The following ARHGAP32 variants were observed in gnomAD, a reference collection of about 807,000 sequenced individuals.
ARHGAP32 encodes the protein Rho GTPase activating protein 32.
In ARHGAP32, 51 loss-of-function variants were observed where a neutral mutation model predicts 186.5. The ratio of observed to expected loss-of-function variants is 0.27; its 90% CI spans 0.22 to 0.35. The LOEUF is 0.35. Among genes scored for constraint, ARHGAP32 ranks in the 10% least tolerant of loss-of-function variants. The probability of loss-of-function intolerance (pLI) is 1.00; values close to 1 mark genes in which losing one functional copy is unlikely to be tolerated. For missense variants in ARHGAP32, 2,186 were observed against 2,623.5 expected, an observed-to-expected ratio of 0.83 and a Z score of 3.64; for synonymous variants, 950 against 964.3, an observed-to-expected ratio of 0.99 and a Z score of 0.27.
rs201110927 is a variant in ARHGAP32 at position 128,974,707 on chromosome 11, A to G, written c.2490T>C (p.Ala830=). 2 of 1,614,204 alleles carry G rather than the reference A, an allele frequency of 1.2e-6. No individual in the cohort carries two copies. Among genetic ancestry groups the G allele is most frequent in the Non-Finnish European group, 1.7e-6 (2 of 1,180,034 alleles). Residue 830 remains alanine, a synonymous_variant, in exon 21 of 23, where the codon GCT becomes GCC. Transcript: ENST00000682385. ...AGTATCCTGGTGAATCTAAAAAGGAAGCACCACTCTCCAGACATTCTGATT... is the reference window on the plus strand; with the variant it reads ...AGTATCCTGGTGAATCTAAAAAGGAGGCACCACTCTCCAGACATTCTGATT... ...KAESECLESG[A]SFLDSPGYSK...
At chr11:129,017,447 C>CAAA (rs71472084) in intron 11 of ARHGAP32, among the ~76,000 whole-genome samples, 1 of 89,604 alleles carries the variant, frequency 1.1e-5, no homozygotes, top group Non-Finnish European at 2.3e-5. Context: ...GACCCGGTCT[C>CAAA]AAAAAAAAAA....
chr11:129,017,948 A>C (rs1938428675), intron 11 of ARHGAP32, among the ~76,000 whole-genome samples: 1 of 152,068 alleles, frequency 6.6e-6, no homozygotes, highest in South Asian at 2.1e-4. Flanking sequence ...CTGATATTTT[A>C]GTTTGTCTTG....
chr11:129,218,512 T>G (rs1408309273), intron 1 of ARHGAP32, among the ~76,000 whole-genome samples: 1 of 152,070 alleles, frequency 6.6e-6, no homozygotes, highest in Non-Finnish European at 1.5e-5. Flanking sequence ...TTAGCTCAAG[T>G]GTCATCTCCT....
At chr11:129,156,246 T>A (rs1314608401) in intron 2 of ARHGAP32, among the ~76,000 whole-genome samples, 1 of 152,004 alleles carries the variant, frequency 6.6e-6, no homozygotes. Flanking sequence ...GACAGAACCA[T>A]TTACTCCCCT....
intron 11 of ARHGAP32, among the ~76,000 whole-genome samples, chr11:129,011,785 T>C (rs1471127601): frequency 6.6e-6 from 1 of 152,114 alleles, no homozygotes; most frequent in Admixed American, 6.6e-5. Flanking sequence ...AAGGAGGATC[T>C]CTACCTACTG....
At chr11:129,275,147 G>T (rs1945516108) in intron 1 of ARHGAP32, among the ~76,000 whole-genome samples, 2 of 152,166 alleles carry the variant, frequency 1.3e-5, no homozygotes, top group Non-Finnish European at 2.9e-5. Context: ...CAGCAAAGGA[G>T]AAAATTCTAT....
rs747337603 is a variant in ARHGAP32, at chr11:128,980,690, T to C, written c.1839A>G (p.Thr613=). The C allele has an allele frequency of 5.0e-6, 8 of 1,613,834 alleles. No individual in the cohort carries two copies. Among genetic ancestry groups the C allele is most frequent in the Non-Finnish European group, 6.8e-6 (8 of 1,179,876 alleles). The change falls in exon 18 of 23, where the codon ACA becomes ACG. Residue 613 remains threonine (T), a synonymous_variant. Coordinates refer to ENST00000682385, the MANE Select transcript of ARHGAP32 (RefSeq NM_001378024.1). ...GTGTTCGTGCCTGGGCCTCTTCCAA[T>C]GTCAGCAGTTTGGTGGATGGAGAGG... ...LVSSPSTKLL[T]LEEAQARTQA...
At chr11:129,160,171 A>G (rs1029730747) in intron 2 of ARHGAP32, among the ~76,000 whole-genome samples, 1 of 152,232 alleles carries the variant, frequency 6.6e-6, no homozygotes, top group African/African-American at 2.4e-5. Context: ...AGCTGGAAGC[A>G]TTCCCATTGA....
rs943421647 is a variant in ARHGAP32 at position 129,026,725 on chromosome 11, C to T, written c.1045+14203G>A. On this transcript the variant is annotated intron_variant, in intron 11 of 22. Transcript: ENST00000682385. ...GGAGAGCAGGAGAATTGCTTGAACC[C>T]GGGAGGCAGAGGTTGCAGTGAGCCA... is the stretch of plus-strand genomic sequence containing the variant. 2.1e-5 allele frequency among the ~76,000 whole-genome samples: 3 copies of T among 145,756 alleles called. No homozygotes were observed. In the South Asian group the frequency reaches 7.0e-4, roughly 34 times the overall value.
chr11:129,202,317 G>T (rs1944464854), intron 1 of ARHGAP32, among the ~76,000 whole-genome samples: 1 of 152,066 alleles, frequency 6.6e-6, no homozygotes. Flanking sequence ...TTCTTCTCTT[G>T]AGTAGGTGGA....
intron 5 of ARHGAP32, among the ~76,000 whole-genome samples, chr11:129,120,906 T>C (rs1215461307): frequency 1.3e-5 from 2 of 152,138 alleles, no homozygotes; most frequent in East Asian, 1.9e-4. Context: ...TGATTTATAC[T>C]AGAGCTGCCC....
chr11:129,065,431 T>G (rs751199645), intron 7 of ARHGAP32, among the ~76,000 whole-genome samples: 6 of 152,008 alleles, frequency 3.9e-5, no homozygotes, highest in Admixed American at 2.0e-4. Context: ...ACCCAGGAAT[T>G]AGGAATTGTG....
chr11:129,261,613 A>AT (rs1565483708), intron 1 of ARHGAP32, among the ~76,000 whole-genome samples: 2 of 152,160 alleles, frequency 1.3e-5, no homozygotes, highest in African/African-American at 2.4e-5. Context: ...AAAACCAAGC[A>AT]TTTTTTGTTT....
chr11:129,218,366 C>G (rs1156501629), intron 1 of ARHGAP32, among the ~76,000 whole-genome samples: 3 of 151,984 alleles, frequency 2.0e-5, no homozygotes, highest in African/African-American at 7.2e-5. Flanking sequence ...TTATAACTCT[C>G]CACGTTTATC....
chr11:129,245,593 G>C (rs1945082047), intron 1 of ARHGAP32, among the ~76,000 whole-genome samples: 1 of 147,944 alleles, frequency 6.8e-6, no homozygotes, highest in Non-Finnish European at 1.5e-5. Flanking sequence ...AAAACTTAAA[G>C]TATAATAAAA....
chr11:129,240,009 C>T (rs1239948305), intron 1 of ARHGAP32, among the ~76,000 whole-genome samples: 4 of 152,120 alleles, frequency 2.6e-5, no homozygotes, highest in Non-Finnish European at 5.9e-5. Context: ...AGTTACTATG[C>T]GCAGTGACAA....
At chr11:129,231,468 T>C (rs1019579810) in intron 1 of ARHGAP32, among the ~76,000 whole-genome samples, 5 of 152,154 alleles carry the variant, frequency 3.3e-5, no homozygotes, top group Admixed American at 3.3e-4. Flanking sequence ...TTTAAATTTT[T>C]AAAAAACCTA....
intron 6 of ARHGAP32, among the ~76,000 whole-genome samples, chr11:129,081,947 T>C (rs1435116488): frequency 1.3e-5 from 2 of 152,156 alleles, no homozygotes; most frequent in Admixed American, 6.5e-5. Flanking sequence ...AGCACTGCTA[T>C]ACACCAACAG....
chr11:129,070,579 T>C (rs994697517), intron 6 of ARHGAP32, among the ~76,000 whole-genome samples: 1 of 152,044 alleles, frequency 6.6e-6, no homozygotes, highest in African/African-American at 2.4e-5. Flanking sequence ...TTTAAGTTTA[T>C]GTTGCAATGT....
Sources: allele counts gnomAD v4.1 joint callset (sites outside exome capture counted in the v4.1 genomes callset), GRCh38; gene constraint gnomAD v4.1.1; transcripts MANE v1.5; gene names NCBI Gene and HGNC (gene_info 2026-07-23, HGNC 2026-07-21).